ATP8B4: variants seen among roughly 807,000 people sequenced by gnomAD.
The protein encoded by ATP8B4 is probable phospholipid-transporting ATPase IM.
A neutral mutation model predicts 145.6 loss-of-function variants in ATP8B4; 133 were observed. The observed-to-expected ratio is 0.91, with a 90% confidence interval of 0.79 to 1.05. The LOEUF is 1.05. Ranked by LOEUF, ATP8B4 falls within the 50% of genes least tolerant of loss-of-function variation. The pLI is 0.00. For synonymous variants in ATP8B4, 507 were observed against 492.9 expected (o/e 1.03, Z -0.38); for missense variants, 1,458 against 1,425.2 (o/e 1.02, Z -0.37).
intron 5 of ATP8B4, among the ~76,000 whole-genome samples, chr15:50,041,299 C>T (rs988134238): frequency 1.3e-5 from 2 of 152,178 alleles, no homozygotes; most frequent in South Asian, 2.1e-4. Flanking sequence ...GCTCATAGCC[C>T]GTTCCTCAGA....
chr15:50,156,137 TAA>T (rs1491272792), intron 1 of ATP8B4, among the ~76,000 whole-genome samples: 1,061 of 17,730 alleles, frequency 0.06, 122 homozygotes, highest in Non-Finnish European at 0.086. Flanking sequence ...TATATATATA[TAA>T]ATATATATAT....
chr15:50,171,910 A>C (rs1332856793), intron 1 of ATP8B4, among the ~76,000 whole-genome samples: 1 of 152,252 alleles, frequency 6.6e-6, no homozygotes, highest in African/African-American at 2.4e-5. Flanking sequence ...ACTGAAATGC[A>C]AAAGGTCATT....
intron 5 of ATP8B4, 140 bp from the exon 6 acceptor site, chr15:50,038,969 G>C (rs1307750844): frequency 1.5e-6 from 1 of 678,912 alleles, no homozygotes; most frequent in Non-Finnish European, 2.6e-6. Flanking sequence ...AGCTTCCTGT[G>C]AACCCAGCTC....
At chr15:49,962,407 A>G (rs937380601) in intron 13 of ATP8B4, among the ~76,000 whole-genome samples, 8 of 152,198 alleles carry the variant, frequency 5.3e-5, no homozygotes, top group African/African-American at 1.9e-4. Flanking sequence ...ATTCTTCCCA[A>G]TGCAGAACTT....
At chr15:49,945,683 G>C (rs936482294) in intron 14 of ATP8B4, among the ~76,000 whole-genome samples, 1 of 152,116 alleles carries the variant, frequency 6.6e-6, no homozygotes, top group Non-Finnish European at 1.5e-5. Context: ...GGGATTGAAG[G>C]ATGATTCAAC....
intron 1 of ATP8B4, among the ~76,000 whole-genome samples, chr15:50,132,662 T>C (rs550973519): frequency 2.0e-4 from 30 of 152,306 alleles, no homozygotes; most frequent in African/African-American, 6.7e-4. Flanking sequence ...CAGGCACAGA[T>C]ATGTTTACTG....
intron 25 of ATP8B4, among the ~76,000 whole-genome samples, chr15:49,870,384 G>C (rs1358462741): frequency 6.6e-6 from 1 of 152,046 alleles, no homozygotes; most frequent in Non-Finnish European, 1.5e-5. Flanking sequence ...AAGGAAGATG[G>C]TTCATTTTAT....
chr15:50,080,062 T>C lies in ATP8B4; in HGVS notation c.29-5877A>G, dbSNP rs190161215. 5.3e-5 allele frequency among the ~76,000 whole-genome samples: 8 copies of C among 152,318 alleles called. No homozygotes were observed. The East Asian group carries it at 1.5e-3, about 29-fold the overall frequency. ...AGCAGAGGCAGAAATCTCTTAGACA[T>C]TTGTTTTGAATCTGCTCCAGAATAT... On this transcript the variant is annotated intron_variant, in intron 2 of 27. Transcript: ENST00000284509.
At position 50,040,229 on chromosome 15, in the gene ATP8B4, G is replaced by A. The variant is rs1445721286; in HGVS notation, c.301-1400C>T. ...CGAGTCAGAGAAGAGTGAAATGAGG[G>A]AATTTATCCCCTGGCTTTCTTCTAG... On this transcript the variant is annotated intron_variant, in intron 5 of 27. Coordinates refer to ENST00000284509, the MANE Select transcript of ATP8B4 (RefSeq NM_024837.4). Among the ~76,000 whole-genome samples the A allele has an allele frequency of 2.0e-5, 3 of 152,176 alleles. No individual in the cohort carries two copies. In the East Asian group the frequency reaches 5.8e-4, roughly 29 times the overall value.
chr15:49,972,547 C>A, intron 13 of ATP8B4, 35 bp downstream of exon 13: 1 of 1,576,862 alleles, frequency 6.3e-7, no homozygotes, highest in Non-Finnish European at 8.6e-7. Context: ...AAATTGTTAA[C>A]AATATCGTTA....
chr15:49,996,783 G>T (rs369592775), intron 8 of ATP8B4, 24 bp from the exon 9 acceptor site: 20 of 1,584,960 alleles, frequency 1.3e-5, no homozygotes, highest in Non-Finnish European at 1.7e-5. Context: ...GACATGACAT[G>T]AATTTTTATA....
intron 22 of ATP8B4, 123 bp from the exon 23 acceptor site, chr15:49,897,638 A>G (rs2037554084): frequency 1.3e-6 from 1 of 798,690 alleles, no homozygotes; most frequent in Middle Eastern, 3.2e-4. Context: ...TTTCACATAT[A>G]TTATCTGATG....
chr15:50,016,688 C>T (rs756474459), intron 6 of ATP8B4, among the ~76,000 whole-genome samples: 4 of 152,144 alleles, frequency 2.6e-5, no homozygotes, highest in African/African-American at 9.7e-5. Context: ...TGCAGGATGA[C>T]CCCAGAAAGG....
chr15:50,107,425 C>T (rs1222122308), intron 1 of ATP8B4, among the ~76,000 whole-genome samples: 1 of 152,160 alleles, frequency 6.6e-6, no homozygotes, highest in Non-Finnish European at 1.5e-5. Flanking sequence ...AATTATTGCC[C>T]AGGCTCTAGA....
chr15:50,026,535 G>C (rs890206055), intron 6 of ATP8B4, among the ~76,000 whole-genome samples: 3 of 152,190 alleles, frequency 2.0e-5, no homozygotes, highest in African/African-American at 7.2e-5. Context: ...TAAAGGGTGA[G>C]AGGGCAGCCG....
chr15:49,898,631 T>C (rs2037683474), intron 21 of ATP8B4, among the ~76,000 whole-genome samples: 2 of 152,238 alleles, frequency 1.3e-5, no homozygotes, highest in South Asian at 4.1e-4. Context: ...TAGAATGAAC[T>C]ACAAATGATG....
At chr15:50,085,023 G>A (rs933416006) in intron 2 of ATP8B4, among the ~76,000 whole-genome samples, 38 of 152,084 alleles carry the variant, frequency 2.5e-4, no homozygotes, top group African/African-American at 4.1e-4. Flanking sequence ...TTTGCCTACC[G>A]CAAGTCTTAT....
At chr15:49,958,088 A>C (rs1488697061) in intron 14 of ATP8B4, among the ~76,000 whole-genome samples, 1 of 151,698 alleles carries the variant, frequency 6.6e-6, no homozygotes, top group Non-Finnish European at 1.5e-5. Flanking sequence ...CAATAAAATT[A>C]GGGAGAAAAA....
intron 10 of ATP8B4, chr15:49,982,470 C>T (rs2046241611): frequency 6.6e-6 from 1 of 152,102 alleles, no homozygotes; most frequent in East Asian, 1.9e-4. Context: ...CCTGAACATA[C>T]TTGATCTCAT....
Sources: gnomAD v4.1 joint callset for allele counts (sites outside exome capture counted in the v4.1 genomes callset) on GRCh38, gnomAD v4.1.1 for gene constraint, MANE v1.5 for transcripts, NCBI Gene and HGNC (gene_info 2026-07-23, HGNC 2026-07-21) for gene names.